The following PCDH7 variants were observed in gnomAD, a reference collection of about 807,000 sequenced individuals.
The protein encoded by PCDH7 is protocadherin 7, also known as protocadherin-7.
A neutral mutation model predicts 58.9 loss-of-function variants in PCDH7; 17 were observed. That is an observed-to-expected ratio of 0.29 (90% CI 0.20 to 0.43). The LOEUF is 0.43. Among genes scored for constraint, PCDH7 ranks in the 20% least tolerant of loss-of-function variants. The pLI, the probability that PCDH7 is intolerant of heterozygous loss-of-function variation, is 1.00. For missense variants in PCDH7, 1,274 were observed against 1,441.0 expected (o/e 0.88, Z 1.88); for synonymous variants, 664 against 616.4 (o/e 1.08, Z -1.14).
At chr4:30,965,999 A>G (rs1578435730) in intron 3 of PCDH7, among the ~76,000 whole-genome samples, 1 of 152,110 alleles carries the variant, frequency 6.6e-6, no homozygotes, top group African/African-American at 2.4e-5. Flanking sequence ...ATTAATCTTC[A>G]GTGCACATAA....
chr4:31,000,302 AAC>A, intron 3 of PCDH7, among the ~76,000 whole-genome samples: 1 of 152,204 alleles, frequency 6.6e-6, no homozygotes, highest in South Asian at 2.1e-4. Context: ...CATATTCAAA[AAC>A]AGTTTATATA....
At chr4:30,746,589 C>G (rs1717808480) in intron 1 of PCDH7, among the ~76,000 whole-genome samples, 1 of 152,162 alleles carries the variant, frequency 6.6e-6, no homozygotes, top group Non-Finnish European at 1.5e-5. Flanking sequence ...TTGCTTTCCA[C>G]AAAGTCTTGC....
intron 1 of PCDH7, among the ~76,000 whole-genome samples, chr4:30,864,223 A>G (rs941760737): frequency 3.9e-5 from 6 of 152,074 alleles, no homozygotes; most frequent in Middle Eastern, 3.2e-3. Context: ...ATTACACTAG[A>G]AAGAAAAAAC....
At chr4:30,725,222 A>G (rs902437237) in intron 1 of PCDH7, 1 of 993,566 alleles carries the variant, frequency 1.0e-6, no homozygotes, top group South Asian at 4.7e-5. Context: ...TATATCTATA[A>G]TAATCGATAC....
intron 1 of PCDH7, among the ~76,000 whole-genome samples, chr4:30,812,552 A>G (rs1482028383): frequency 6.6e-6 from 1 of 152,170 alleles, no homozygotes; most frequent in African/African-American, 2.4e-5. Flanking sequence ...TAGTAATACA[A>G]TTCATATTGA....
chr4:30,956,005 A>G (rs1560532232), intron 3 of PCDH7, among the ~76,000 whole-genome samples: 2 of 151,338 alleles, frequency 1.3e-5, no homozygotes, highest in Non-Finnish European at 2.9e-5. Flanking sequence ...TAACACGGTG[A>G]AACCCTGTCT....
chr4:31,063,620 G>C (rs1009111780), intron 3 of PCDH7, among the ~76,000 whole-genome samples: 1 of 151,796 alleles, frequency 6.6e-6, no homozygotes, highest in South Asian at 2.1e-4. Flanking sequence ...TTATTAAGTA[G>C]CAATGCTGTC....
intron 3 of PCDH7, among the ~76,000 whole-genome samples, chr4:30,965,876 C>G (rs928557795): frequency 1.3e-5 from 2 of 151,978 alleles, no homozygotes; most frequent in African/African-American, 4.8e-5. Context: ...GAAGCAGATC[C>G]AGCCAAGTTA....
chr4:30,973,425 A>G (rs1749778897), intron 3 of PCDH7, among the ~76,000 whole-genome samples: 1 of 152,210 alleles, frequency 6.6e-6, no homozygotes, highest in South Asian at 2.1e-4. Flanking sequence ...TGTTTAACTG[A>G]GTGTAATGAG....
At chr4:30,897,033 T>C (rs886807934) in intron 1 of PCDH7, among the ~76,000 whole-genome samples, 11 of 150,416 alleles carry the variant, frequency 7.3e-5, no homozygotes, top group African/African-American at 2.7e-4. Context: ...GCCTCCCGCG[T>C]AGCTGGGACT....
intron 3 of PCDH7, among the ~76,000 whole-genome samples, chr4:30,971,816 G>A (rs892784669): frequency 6.6e-6 from 1 of 152,122 alleles, no homozygotes; most frequent in Non-Finnish European, 1.5e-5. Flanking sequence ...ACAAAAATTA[G>A]CCGTGCATGG....
chr4:30,996,866 C>T (rs182648413), intron 3 of PCDH7, among the ~76,000 whole-genome samples: 3 of 152,220 alleles, frequency 2.0e-5, no homozygotes, highest in Non-Finnish European at 2.9e-5. Context: ...GTGTAAAACA[C>T]GTCTTTTAAC....
chr4:30,902,262 T>C (rs1002144827), intron 1 of PCDH7, among the ~76,000 whole-genome samples: 1 of 152,180 alleles, frequency 6.6e-6, no homozygotes, highest in Non-Finnish European at 1.5e-5. Context: ...TGTTGCAGTA[T>C]GTAAGTCTGT....
chr4:30,942,078 C>T (rs981470956), intron 2 of PCDH7, among the ~76,000 whole-genome samples: 1 of 151,726 alleles, frequency 6.6e-6, no homozygotes, highest in Non-Finnish European at 1.5e-5. Context: ...GTTTGGAGAC[C>T]ATGTTTTCTT....
chr4:30,738,396 G>GA (rs34376526), intron 1 of PCDH7, among the ~76,000 whole-genome samples: 1,626 of 136,142 alleles, frequency 0.012, 10 homozygotes, highest in Middle Eastern at 0.019. Flanking sequence ...TTCTTAAATT[G>GA]AAAAAAAAAA....
At chr4:30,785,374 A>G (rs1723262535) in intron 1 of PCDH7, among the ~76,000 whole-genome samples, 1 of 152,156 alleles carries the variant, frequency 6.6e-6, no homozygotes, top group Non-Finnish European at 1.5e-5. Flanking sequence ...GAAACTTACA[A>G]TTTAAATCAT....
At chr4:31,078,616 C>G in intron 3 of PCDH7, among the ~76,000 whole-genome samples, 1 of 144,196 alleles carries the variant, frequency 6.9e-6, no homozygotes, top group South Asian at 2.3e-4. Flanking sequence ...AGGCAAGAAC[C>G]ACAGAACCAT....
intron 3 of PCDH7, among the ~76,000 whole-genome samples, chr4:31,037,014 C>T (rs558905414): frequency 6.6e-6 from 1 of 152,152 alleles, no homozygotes; most frequent in African/African-American, 2.4e-5. Flanking sequence ...TCAATTACCT[C>T]CCACCGCGTC....
At chr4:30,814,203 G>A (rs1346863995) in intron 1 of PCDH7, among the ~76,000 whole-genome samples, 1 of 151,920 alleles carries the variant, frequency 6.6e-6, no homozygotes, top group Non-Finnish European at 1.5e-5. Context: ...ATAAAGGTGT[G>A]TTTGTGTGTG....
Sources: allele counts gnomAD v4.1 joint callset (sites outside exome capture counted in the v4.1 genomes callset), GRCh38; gene constraint gnomAD v4.1.1; transcripts MANE v1.5; gene names NCBI Gene and HGNC (gene_info 2026-07-23, HGNC 2026-07-21).